AIFM3: variants seen among roughly 807,000 people sequenced by gnomAD.
The protein encoded by AIFM3 is AIF family member 3, also known as apoptosis-inducing factor 3.
AIFM3 carries 71 observed loss-of-function variants against 82.7 expected under a neutral mutation model. The ratio of observed to expected loss-of-function variants is 0.86; its 90% CI spans 0.71 to 1.05. AIFM3 has a LOEUF of 1.05. AIFM3 is among the 50% of genes least tolerant of loss of function. The pLI is 0.00. For synonymous variants in AIFM3, 337 were observed against 329.1 expected (o/e 1.02, Z -0.26); for missense variants, 748 against 816.7 (o/e 0.92, Z 1.03).
At position 20,973,863 on chromosome 22, in the gene AIFM3, G is replaced by A; in HGVS notation, c.351G>A (p.Val117=). ...GTCCGCACTACGGCGCACCCCTGGT[G>A]AAAGGTGAGCTGTCAGGTGGGAGGC... ...HKCPHYGAPL[V]KGVLSRGRVR... The change falls in exon 4 of 21, where the codon GTG becomes GTA. Residue 117 remains valine (V), a synonymous_variant. Coordinates refer to ENST00000440238, the MANE Select transcript of AIFM3 (RefSeq NM_001386814.1). The A allele has an allele frequency of 6.5e-7, 1 of 1,535,312 alleles. No individual in the cohort carries two copies. The highest frequency in any genetic ancestry group is 1.2e-5 in the South Asian group (1 of 80,442).
intron 9 of AIFM3, 151 bp from the exon 10 acceptor site, chr22:20,976,064 C>A: frequency 2.3e-6 from 2 of 855,872 alleles, no homozygotes; most frequent in Non-Finnish European, 3.7e-6. Context: ...ATGTCTGAAG[C>A]GTAAAGAATG....
At chr22:20,980,556 G>A (rs1387766752) in intron 19 of AIFM3, 191 bp from the exon 20 acceptor site, 2 of 700,758 alleles carry the variant, frequency 2.9e-6, no homozygotes, top group African/African-American at 3.5e-5. Flanking sequence ...CCTTATCCTG[G>A]TGTGGTGTCA....
intron 19 of AIFM3, chr22:20,980,410 G>A (rs999688590): frequency 1.2e-5 from 7 of 595,096 alleles, no homozygotes; most frequent in East Asian, 2.8e-5. Context: ...ATCACCAGGC[G>A]TGGGACACCT....
At position 20,981,026 on chromosome 22, in the gene AIFM3, T is replaced by A; in HGVS notation, c.1813T>A (p.Ser605Thr). ...GDMSWLTGKGS is the reference protein window; with the variant it reads ...GDMSWLTGKGT ...CATGTCCTGGCTTACGGGGAAAGGA[T>A]CCTGAGCTCACATGCAGTAGACTTG... Residue 605 changes from serine (S) to threonine (T), a missense_variant, in exon 21 of 21, where the codon TCC becomes ACC. Ser to Thr is a moderately conservative substitution (Grantham distance 58). Around this residue, in one of 5 missense-constraint regions of AIFM3, gnomAD observed 183 missense variants for 158.2 expected, o/e 1.16. Coordinates refer to ENST00000440238, the MANE Select transcript of AIFM3 (RefSeq NM_001386814.1). 1 of 1,614,100 alleles carries A rather than the reference T, an allele frequency of 6.2e-7. No homozygotes were observed. The highest frequency in any genetic ancestry group is 8.5e-7 in the Non-Finnish European group (1 of 1,179,998).
At chr22:20,975,230 G>T (rs867534850) in intron 8 of AIFM3, among the ~76,000 whole-genome samples, 1 of 151,806 alleles carries the variant, frequency 6.6e-6, no homozygotes, top group Non-Finnish European at 1.5e-5. Flanking sequence ...GCCTCCCAAG[G>T]TGCTAGGATT....
Position 20,974,508 on chromosome 22 carries a change from C to T in AIFM3, c.511-17C>T. 1.9e-6 allele frequency: 3 copies of T among 1,605,772 alleles called. No individual in the cohort carries two copies. The highest frequency in any genetic ancestry group is 2.5e-6 in the Non-Finnish European group (3 of 1,176,676). On this transcript the variant is annotated splice_polypyrimidine_tract_variant and intron_variant, in intron 6 of 20. Transcript: ENST00000440238. Reference sequence around the variant, plus strand: ...GCAGAGGATGGCAGTGACCCTCCACCCTCCTGGCACCCACAGGCCCTACAG... The same window carrying T: ...GCAGAGGATGGCAGTGACCCTCCACTCTCCTGGCACCCACAGGCCCTACAG...
chr22:20,974,023 C>G, intron 4 of AIFM3, 40 bp from the exon 5 acceptor site: 1 of 1,561,052 alleles, frequency 6.4e-7, no homozygotes. Flanking sequence ...TGGGAAGCAA[C>G]CCCTGCTGGT....
In AIFM3 at chr22:20,976,550, T is replaced by C. The variant is rs1923682087; in HGVS notation, c.1030+12T>C. The C allele has an allele frequency of 1.2e-6, 2 of 1,612,820 alleles. No individual in the cohort carries two copies. Among genetic ancestry groups the C allele is most frequent in the Non-Finnish European group, 1.7e-6 (2 of 1,179,966 alleles). ...AGCCGGCTTCCTGGGTGAGAGGTAG[T>C]GGGCAGTGGAGATGGTGGTCAGGTC... On this transcript the variant is annotated intron_variant, in intron 11 of 20. Coordinates refer to ENST00000440238, the MANE Select transcript of AIFM3 (RefSeq NM_001386814.1).
intron 16 of AIFM3, among the ~76,000 whole-genome samples, chr22:20,978,373 T>C (rs948731603): frequency 2.6e-5 from 4 of 152,166 alleles, no homozygotes; most frequent in African/African-American, 9.7e-5. Context: ...CAAGTATCTC[T>C]GTGAACTCAG....
chr22:20,979,529 G>A (rs1377487809), intron 17 of AIFM3, 98 bp from the exon 18 acceptor site: 12 of 1,504,476 alleles, frequency 8.0e-6, no homozygotes, highest in Admixed American at 5.1e-5. Flanking sequence ...CTAAAAGGAC[G>A]TATGGAGCAG....
Position 20,976,552 on chromosome 22 carries a change from G to T in AIFM3, c.1030+14G>T. The stretch of plus-strand genomic sequence containing the variant: ...CCGGCTTCCTGGGTGAGAGGTAGTG[G>T]GCAGTGGAGATGGTGGTCAGGTCGT... On this transcript the variant is annotated intron_variant, in intron 11 of 20. Transcript: ENST00000440238. The T allele has an allele frequency of 6.2e-7, 1 of 1,613,048 alleles. No homozygotes were observed. The highest frequency in any genetic ancestry group is 1.1e-5 in the South Asian group (1 of 91,072).
chr22:20,978,214 A>G (rs1315487713), intron 16 of AIFM3, among the ~76,000 whole-genome samples: 1 of 148,912 alleles, frequency 6.7e-6, no homozygotes, highest in African/African-American at 2.5e-5. Context: ...CCTCAATCTC[A>G]GTTTTCCTTC....
intron 2 of AIFM3, among the ~76,000 whole-genome samples, chr22:20,970,686 C>T (rs964542695): frequency 1.3e-5 from 2 of 152,206 alleles, no homozygotes; most frequent in African/African-American, 4.8e-5. Context: ...GTCTCGAACT[C>T]CTGACCTCAA....
intron 8 of AIFM3, 54 bp from the exon 9 acceptor site, chr22:20,975,638 C>T (rs1923591333): frequency 1.3e-6 from 2 of 1,573,716 alleles, no homozygotes; most frequent in Non-Finnish European, 1.7e-6. Flanking sequence ...CTTCCCTGGG[C>T]CCCAGTGTCT....
chr22:20,975,860 T>G, intron 9 of AIFM3, 82 bp downstream of exon 9: 2 of 1,482,614 alleles, frequency 1.3e-6, no homozygotes, highest in Non-Finnish European at 1.9e-6. Flanking sequence ...GGTGGGGTCT[T>G]GGTGCTCTAC....
At chr22:20,972,401 T>C (rs1009232805) in intron 2 of AIFM3, among the ~76,000 whole-genome samples, 2 of 69,310 alleles carry the variant, frequency 2.9e-5, no homozygotes, top group African/African-American at 1.0e-4. Context: ...AAACTCCATC[T>C]CAAAAAAAAA....
chr22:20,968,021 C>G, intron 2 of AIFM3, 46 bp downstream of exon 2: 1 of 1,548,620 alleles, frequency 6.5e-7, no homozygotes, highest in South Asian at 1.2e-5. Flanking sequence ...CCCTCCCCGC[C>G]TCCTCCTCCC....
chr22:20,975,637 G>A, intron 8 of AIFM3, 55 bp from the exon 9 acceptor site: 5 of 1,577,850 alleles, frequency 3.2e-6, no homozygotes, highest in South Asian at 1.1e-5. Flanking sequence ...CCTTCCCTGG[G>A]CCCCAGTGTC....
At position 20,977,751 on chromosome 22, in the gene AIFM3, C is replaced by T. The variant is rs2147947844; in HGVS notation, c.1334C>T (p.Ser445Phe). 6.2e-7 allele frequency: 1 copy of T among 1,614,034 alleles called. No individual in the cohort carries two copies. The highest frequency in any genetic ancestry group is 2.2e-5 in the East Asian group (1 of 44,894). ...AGGCAAAGCGGCATCGGTTTGGATT[C>T]CCGAGGCTTCATCCCTGTCAACAAG... The part of the protein sequence containing the change: ...FLRQSGIGLD[S>F]RGFIPVNKMM... Residue 445 changes from serine to phenylalanine, a missense_variant, in exon 15 of 21, where the codon TCC becomes TTC. Around this residue, in one of 5 missense-constraint regions of AIFM3, gnomAD observed 393 missense variants for 481.1 expected, o/e 0.82. Coordinates refer to ENST00000440238, the MANE Select transcript of AIFM3 (RefSeq NM_001386814.1).
Sources: allele counts gnomAD v4.1 joint callset (sites outside exome capture counted in the v4.1 genomes callset), GRCh38; gene constraint gnomAD v4.1.1; regional missense constraint gnomAD v4.1.1; transcripts MANE v1.5; gene names NCBI Gene and HGNC (gene_info 2026-07-23, HGNC 2026-07-21).